The following MED12L variants were observed in gnomAD, a reference collection of about 807,000 sequenced individuals.
The protein encoded by MED12L is mediator of RNA polymerase II transcription subunit 12-like protein.
MED12L carries 60 observed loss-of-function variants against 281.3 expected under a neutral mutation model. The observed-to-expected ratio is 0.21, with a 90% CI of 0.17 to 0.26. The LOEUF is 0.26. MED12L is among the 10% of genes least tolerant of loss of function. MED12L has a pLI of 1.00. For synonymous variants in MED12L, 974 were observed against 987.2 expected (o/e 0.99, Z 0.25); for missense variants, 2,146 against 2,680.9 (o/e 0.80, Z 4.41).
At position 151,380,110 on chromosome 3, in the gene MED12L, T is replaced by C; in HGVS notation, c.4479-3T>C. Reference sequence around the variant, plus strand: ...TCTGTTGTTATTATTACTTCCTTTGTAGTATGTCTCTTTTGAGTCAACAAC... The same window carrying C: ...TCTGTTGTTATTATTACTTCCTTTGCAGTATGTCTCTTTTGAGTCAACAAC... On this transcript the variant is annotated splice_region_variant and splice_polypyrimidine_tract_variant and intron_variant, in intron 31 of 44. Coordinates refer to ENST00000687756, the MANE Select transcript of MED12L (RefSeq NM_001393769.1). 6.4e-7 allele frequency: 1 copy of C among 1,553,608 alleles called. No individual in the cohort carries two copies.
chr3:151,372,831 C>G (rs527860062), intron 27 of MED12L, 65 bp downstream of exon 27: 3 of 1,311,096 alleles, frequency 2.3e-6, no homozygotes, highest in Non-Finnish European at 3.2e-6. Context: ...GAGCTACTTA[C>G]ACTTATAGGA....
intron 2 of MED12L, among the ~76,000 whole-genome samples, chr3:151,106,280 TCC>T (rs1330240268): frequency 1.3e-3 from 82 of 63,256 alleles, no homozygotes; most frequent in Admixed American, 2.4e-3. Context: ...CCTTTCCCTT[TCC>T]TTTTCCTTTT....
intron 16 of MED12L, among the ~76,000 whole-genome samples, chr3:151,273,402 A>AT (rs531443713): frequency 0.26 from 29,814 of 113,486 alleles, 4,103 homozygotes; most frequent in South Asian, 0.3. Context: ...TAATTTTTGT[A>AT]TTTTTTTTTT....
At chr3:151,415,239 C>A (rs1717410143) in intron 42 of MED12L, among the ~76,000 whole-genome samples, 2 of 152,200 alleles carry the variant, frequency 1.3e-5, no homozygotes, top group African/African-American at 4.8e-5. Flanking sequence ...ATCATCAACA[C>A]ATTCTTCCCT....
chr3:151,426,101 T>C (rs529457156), intron 43 of MED12L, among the ~76,000 whole-genome samples: 1 of 152,330 alleles, frequency 6.6e-6, no homozygotes, highest in African/African-American at 2.4e-5. Context: ...ACTGAACCTA[T>C]TTATTGACCT....
intron 20 of MED12L, 96 bp downstream of exon 20, chr3:151,357,472 T>G: frequency 3.7e-6 from 4 of 1,076,652 alleles, no homozygotes; most frequent in Non-Finnish European, 5.1e-6. Context: ...ATAGTACTGA[T>G]ACCTGTTTTA....
chr3:151,191,947 CAT>C (rs1724042864), intron 14 of MED12L, among the ~76,000 whole-genome samples: 1 of 151,974 alleles, frequency 6.6e-6, no homozygotes, highest in Non-Finnish European at 1.5e-5. Flanking sequence ...ACAGTTTAGG[CAT>C]ATACCATTAT....
At position 151,378,493 on chromosome 3, in the gene MED12L, T is replaced by A. The variant is rs191378096; in HGVS notation, c.4478+320T>A. Among the ~76,000 whole-genome samples the A allele has an allele frequency of 8.4e-4, 128 of 151,986 alleles. 1 individual carries two copies. Among genetic ancestry groups the A allele is most frequent in the Non-Finnish European group, 1.1e-3 (76 of 67,952 alleles). On this transcript the variant is annotated intron_variant, in intron 31 of 44. Transcript: ENST00000687756. The stretch of plus-strand genomic sequence containing the variant: ...GATCCCTGTATTTTATTTTTAATTA[T>A]TTCTATTTTTTTATTATTTAGATAT...
chr3:151,248,430 C>G (rs1559935943), intron 16 of MED12L, among the ~76,000 whole-genome samples: 1 of 152,110 alleles, frequency 6.6e-6, no homozygotes, highest in South Asian at 2.1e-4. Context: ...TTAAACCAAA[C>G]TGTCTGGTTT....
chr3:151,294,313 T>C, intron 16 of MED12L: 1 of 1,614,176 alleles, frequency 6.2e-7, no homozygotes, highest in Non-Finnish European at 8.5e-7. Context: ...AGTAAATTAT[T>C]GGATCCAGGC....
intron 11 of MED12L, among the ~76,000 whole-genome samples, chr3:151,170,612 C>T (rs572727909): frequency 6.6e-6 from 1 of 152,260 alleles, no homozygotes; most frequent in South Asian, 2.1e-4. Flanking sequence ...CCCTGTTGCC[C>T]TTTACCGCCC....
rs1553808456 is a variant in MED12L, at chr3:151,141,178, G to GTTTGTTTGTTTTTTTTTTTTTT, written c.556+13197_556+13198insGTTTGTTTTTTTTTTTTTTTTT. On this transcript the variant is annotated intron_variant, in intron 5 of 44. Coordinates refer to ENST00000687756, the MANE Select transcript of MED12L (RefSeq NM_001393769.1). ...CACCGTGCCTGGCGTTTTTTTTTTTGTTTTTTTTGTTTTTTTTTTTTTGTT... is the reference window on the plus strand; with the variant it reads ...CACCGTGCCTGGCGTTTTTTTTTTTGTTTGTTTGTTTTTTTTTTTTTTTTTTTTTTGTTTTTTTTTTTTTGTT... Among the ~76,000 whole-genome samples, 32 of 102,216 alleles carry GTTTGTTTGTTTTTTTTTTTTTT rather than the reference G, an allele frequency of 3.1e-4. 1 individual carries two copies. The highest frequency in any genetic ancestry group is 1.3e-3 in the African/African-American group (30 of 23,392). The allele number at this position is 102,216 out of a possible 152,430, so 67.1% of individuals were successfully genotyped here.
intron 16 of MED12L, among the ~76,000 whole-genome samples, chr3:151,285,584 A>G (rs1366607860): frequency 6.6e-6 from 1 of 152,116 alleles, no homozygotes; most frequent in Non-Finnish European, 1.5e-5. Context: ...GGTACATTGT[A>G]CACTGCTTGG....
intron 3 of MED12L, among the ~76,000 whole-genome samples, chr3:151,119,022 T>TA (rs915611626): frequency 1.3e-5 from 2 of 152,166 alleles, no homozygotes; most frequent in African/African-American, 2.4e-5. Context: ...TGGTCTACTT[T>TA]AAAAAATTGA....
rs539962433 is a variant in MED12L, at chr3:151,323,574, C to T, written c.2251-26485C>T. Among the ~76,000 whole-genome samples, 5 of 152,298 alleles carry T rather than the reference C, an allele frequency of 3.3e-5. No individual in the cohort carries two copies. The South Asian group carries it at 6.2e-4, about 19-fold the overall frequency. ...AACTGCTTATTGTGCCGCAGGGTTC[C>T]CTTTTGAATGCTCTGTTTTCTTCAA... On this transcript the variant is annotated intron_variant, in intron 16 of 44. Transcript: ENST00000687756.
chr3:151,118,553 C>A (rs897471816), intron 3 of MED12L, among the ~76,000 whole-genome samples: 5 of 151,808 alleles, frequency 3.3e-5, no homozygotes, highest in Middle Eastern at 3.2e-3. Flanking sequence ...ATAACATTTA[C>A]CATTTAACCA....
intron 12 of MED12L, among the ~76,000 whole-genome samples, chr3:151,186,937 C>T (rs1723363456): frequency 6.6e-6 from 1 of 152,140 alleles, no homozygotes; most frequent in Non-Finnish European, 1.5e-5. Context: ...GTATTTGTTG[C>T]ATGACTGGAT....
chr3:151,207,416 G>A (rs1176030199), intron 16 of MED12L, among the ~76,000 whole-genome samples: 1 of 151,956 alleles, frequency 6.6e-6, no homozygotes, highest in Non-Finnish European at 1.5e-5. Context: ...AGACTGTGGT[G>A]GGGTGAATAG....
intron 16 of MED12L, among the ~76,000 whole-genome samples, chr3:151,220,351 A>G (rs1729094779): frequency 6.6e-6 from 1 of 151,928 alleles, no homozygotes; most frequent in Non-Finnish European, 1.5e-5. Context: ...AGGTTTTCAT[A>G]TTTCTGAATT....
Sources: gnomAD v4.1 joint callset for allele counts (sites outside exome capture counted in the v4.1 genomes callset) on GRCh38, gnomAD v4.1.1 for gene constraint, MANE v1.5 for transcripts, NCBI Gene and HGNC (gene_info 2026-07-23, HGNC 2026-07-21) for gene names.